The following ARHGAP8 variants were observed in gnomAD, a reference collection of about 807,000 sequenced individuals.
ARHGAP8 encodes Rho GTPase activating protein 8, also known as rho GTPase-activating protein 8.
A neutral mutation model predicts 46.1 loss-of-function variants in ARHGAP8; 62 were observed. That is an observed-to-expected ratio of 1.34 (90% CI 1.10 to 1.66). The LOEUF is 1.66. Among genes scored for constraint, ARHGAP8 ranks in the 40% most tolerant of loss-of-function variants. ARHGAP8 has a pLI of 0.00. For synonymous variants in ARHGAP8, 375 were observed against 243.1 expected (o/e 1.54, Z -5.05); for missense variants, 923 against 568.4 (o/e 1.62, Z -6.34).
chr22:44,845,723 A>G (rs2069937939), intron 8 of ARHGAP8, among the ~76,000 whole-genome samples: 1 of 152,138 alleles, frequency 6.6e-6, no homozygotes, highest in African/African-American at 2.4e-5. Context: ...CTCTGATGGG[A>G]TCAACTTTGA....
intron 7 of ARHGAP8, 120 bp from the exon 8 acceptor site, chr22:44,845,149 C>T: frequency 8.0e-7 from 1 of 1,246,324 alleles, no homozygotes; most frequent in Non-Finnish European, 1.1e-6. Flanking sequence ...CCTCTCTCTT[C>T]CTGGACAGTG....
intron 5 of ARHGAP8, among the ~76,000 whole-genome samples, chr22:44,817,700 A>G (rs1419092383): frequency 1.3e-5 from 2 of 152,152 alleles, no homozygotes; most frequent in Admixed American, 6.5e-5. Context: ...GCTACTCAGG[A>G]AGCTGAGGCA....
chr22:44,801,632 C>A (rs537478833), intron 2 of ARHGAP8, among the ~76,000 whole-genome samples: 5 of 152,358 alleles, frequency 3.3e-5, no homozygotes, highest in Non-Finnish European at 5.9e-5. Flanking sequence ...TCCTGTACCC[C>A]CGACATGAGG....
At position 44,861,702 on chromosome 22, in the gene ARHGAP8, C is replaced by G. The variant is rs540895136; in HGVS notation, c.982-573C>G. On this transcript the variant is annotated intron_variant, in intron 11 of 11. Transcript: ENST00000356099. ...CACATGGCCCCCTGCCACTGGCTGG[C>G]CACATGACCTTGGGCAAGTCTCCTG... Among the ~76,000 whole-genome samples, 11 of 152,300 alleles carry G rather than the reference C, an allele frequency of 7.2e-5. No individual in the cohort carries two copies. The East Asian group carries it at 1.7e-3, about 24-fold the overall frequency.
chr22:44,852,140 C>T (rs957906905), intron 10 of ARHGAP8, among the ~76,000 whole-genome samples: 8 of 134,786 alleles, frequency 5.9e-5, no homozygotes, highest in Admixed American at 2.6e-4. Context: ...TGTAGTGAGC[C>T]GAGATCGCAC....
intron 2 of ARHGAP8, among the ~76,000 whole-genome samples, chr22:44,796,060 C>T (rs977392177): frequency 5.3e-5 from 8 of 152,226 alleles, no homozygotes; most frequent in Non-Finnish European, 7.3e-5. Context: ...AAAGTCAGAC[C>T]TCAGTCCTTG....
rs147874971 is a variant in ARHGAP8, at chr22:44,777,762, C to A, written c.-71-8695C>A. Among the ~76,000 whole-genome samples the A allele has an allele frequency of 2.0e-5, 3 of 152,268 alleles. No individual in the cohort carries two copies. The East Asian group carries it at 5.8e-4, about 29-fold the overall frequency. ...CCAGGCTGGAGTGTAATGGCACAAT[C>A]TTGGCTCACTGCAACCTCCGCCTCC... On this transcript the variant is annotated intron_variant, in intron 1 of 11. Transcript: ENST00000356099.
At chr22:44,809,259 T>C (rs751507450) in intron 4 of ARHGAP8, 7 of 441,330 alleles carry the variant, frequency 1.6e-5, no homozygotes, top group South Asian at 1.2e-4. Flanking sequence ...CATTTTCACG[T>C]GTCATGAAAT....
chr22:44,832,526 G>T (rs1283227907), intron 7 of ARHGAP8, among the ~76,000 whole-genome samples: 2 of 152,046 alleles, frequency 1.3e-5, no homozygotes, highest in Non-Finnish European at 2.9e-5. Context: ...ACACCCGGTT[G>T]TCAATGTAAT....
intron 1 of ARHGAP8, among the ~76,000 whole-genome samples, chr22:44,767,529 C>G (rs1057469128): frequency 3.3e-5 from 5 of 152,124 alleles, no homozygotes; most frequent in Non-Finnish European, 7.3e-5. Flanking sequence ...TCAAATCCCG[C>G]AGTTGTCCCC....
intron 1 of ARHGAP8, among the ~76,000 whole-genome samples, chr22:44,755,237 G>A (rs1304187345): frequency 1.3e-5 from 2 of 152,154 alleles, no homozygotes; most frequent in Admixed American, 6.5e-5. Flanking sequence ...AGTGTTCCCC[G>A]TGTCCCCACC....
intron 6 of ARHGAP8, among the ~76,000 whole-genome samples, chr22:44,824,634 CT>C (rs10571764): frequency 0.42 from 55,096 of 131,298 alleles, 10,523 homozygotes; most frequent in East Asian, 0.68. Flanking sequence ...TTCTTCTTTT[CT>C]TTTTTTTTTT....
chr22:44,851,301 G>A (rs1274899786), intron 10 of ARHGAP8, among the ~76,000 whole-genome samples: 3 of 152,338 alleles, frequency 2.0e-5, no homozygotes, highest in African/African-American at 7.2e-5. Context: ...TGGGAACCCT[G>A]TAACTTGTTA....
intron 5 of ARHGAP8, among the ~76,000 whole-genome samples, chr22:44,817,253 GGGAGAATTCCCA>G (rs1416927933): frequency 3.9e-5 from 6 of 152,204 alleles, no homozygotes; most frequent in African/African-American, 1.4e-4. Flanking sequence ...GAGGCACACT[GGGAGAATTCCCA>G]GAGCAGCAGA....
intron 2 of ARHGAP8, among the ~76,000 whole-genome samples, chr22:44,790,914 G>A (rs920999249): frequency 6.6e-6 from 1 of 151,768 alleles, no homozygotes; most frequent in African/African-American, 2.4e-5. Context: ...TTGTATTTTA[G>A]TAGAGACAGG....
intron 7 of ARHGAP8, among the ~76,000 whole-genome samples, chr22:44,828,271 G>T (rs1048896482): frequency 2.0e-5 from 3 of 152,128 alleles, no homozygotes; most frequent in African/African-American, 7.2e-5. Context: ...GACATTGTGA[G>T]AATTTGCGGG....
chr22:44,859,468 G>A (rs1329288546), intron 10 of ARHGAP8, among the ~76,000 whole-genome samples: 1 of 152,206 alleles, frequency 6.6e-6, no homozygotes, highest in Non-Finnish European at 1.5e-5. Flanking sequence ...AGGTGCTGGT[G>A]CCATGCTTGT....
intron 7 of ARHGAP8, among the ~76,000 whole-genome samples, chr22:44,843,213 G>A (rs914087990): frequency 6.6e-6 from 1 of 152,092 alleles, no homozygotes; most frequent in Non-Finnish European, 1.5e-5. Context: ...TTTTGCAAGC[G>A]GTAAAGCTGT....
intron 5 of ARHGAP8, among the ~76,000 whole-genome samples, chr22:44,818,411 T>C (rs1929897429): frequency 2.1e-5 from 3 of 144,314 alleles, no homozygotes; most frequent in African/African-American, 8.2e-5. Context: ...ATCACACCAT[T>C]GCACTCCAGC....
Sources: allele counts gnomAD v4.1 joint callset (sites outside exome capture counted in the v4.1 genomes callset), GRCh38; gene constraint gnomAD v4.1.1; transcripts MANE v1.5; gene names NCBI Gene and HGNC (gene_info 2026-07-23, HGNC 2026-07-21).